The following MARS1 variants were observed in gnomAD, a reference collection of about 807,000 sequenced individuals.
MARS1 encodes methionyl-tRNA synthetase 1, also known as methionine--tRNA ligase, cytoplasmic.
Under a neutral mutation model 119.5 loss-of-function variants are expected in MARS1, and 80 were observed. That is an observed-to-expected ratio of 0.67 (90% CI 0.56 to 0.81). The LOEUF (loss-of-function observed/expected upper bound fraction) is 0.81, where lower values mean the gene tolerates loss of function less well. Ranked by LOEUF, MARS1 falls within the 30% of genes least tolerant of loss-of-function variation. The pLI is 0.00. For missense variants in MARS1, 945 were observed against 1,116.5 expected, an observed-to-expected ratio of 0.85 and a Z score of 2.19; for synonymous variants, 418 against 433.4, an observed-to-expected ratio of 0.96 and a Z score of 0.44.
In MARS1 at chr12:57,493,449, A is replaced by ATAATATG. The variant is rs1187189961; in HGVS notation, c.770+2811_770+2812insGTAATAT. On this transcript the variant is annotated intron_variant, in intron 7 of 20. Coordinates refer to ENST00000262027, the MANE Select transcript of MARS1 (RefSeq NM_004990.4). Reference sequence around the variant, plus strand: ...ATATGTATAATATATTACATAATATATAATATATTATAATATATAATATAT... The same window carrying ATAATATG: ...ATATGTATAATATATTACATAATATATAATATGTAATATATTATAATATATAATATAT... Among the ~76,000 whole-genome samples the ATAATATG allele has an allele frequency of 4.0e-3, 6 of 1,482 alleles. 3 individuals carry two copies. In the Non-Finnish European group the frequency reaches 0.047, roughly 11 times the overall value. 1.0% of individuals were successfully genotyped at this position (1,482 alleles called of 152,430 possible). A position where few individuals can be genotyped will look rare whatever the true frequency, so the allele number is the denominator to read the frequency against.
intron 11 of MARS1, among the ~76,000 whole-genome samples, chr12:57,506,901 G>A (rs1194013187): frequency 6.6e-6 from 1 of 150,448 alleles, no homozygotes; most frequent in Non-Finnish European, 1.5e-5. Context: ...TCTCGCAGAG[G>A]GGGATTTGGC....
chr12:57,505,209 T>G (rs979288414), intron 11 of MARS1, among the ~76,000 whole-genome samples: 5 of 151,026 alleles, frequency 3.3e-5, no homozygotes, highest in Non-Finnish European at 7.4e-5. Flanking sequence ...TTGCCCACAC[T>G]GGAGTGCAAT....
At chr12:57,488,765 C>T in intron 1 of MARS1, 1 of 1,082,870 alleles carries the variant, frequency 9.2e-7, no homozygotes, top group East Asian at 2.6e-5. Flanking sequence ...GGCTGCAGCA[C>T]TATCCCAATA....
Position 57,489,255 on chromosome 12 carries a change from C to G in MARS1, c.201-12C>G, listed in dbSNP as rs776736371. ...CTCTAAGTCCATCATCTGTTGCTCT[C>G]TCTCTGGGCAGATATTTTTTTTTGT... is the stretch of plus-strand genomic sequence containing the variant. On this transcript the variant is annotated splice_polypyrimidine_tract_variant and intron_variant, in intron 2 of 20. Coordinates refer to ENST00000262027, the MANE Select transcript of MARS1 (RefSeq NM_004990.4). 1.2e-6 allele frequency: 2 copies of G among 1,613,594 alleles called. No homozygotes were observed. The highest frequency in any genetic ancestry group is 4.5e-5 in the East Asian group (2 of 44,886).
At chr12:57,492,603 G>A (rs999955608) in intron 7 of MARS1, among the ~76,000 whole-genome samples, 1 of 151,764 alleles carries the variant, frequency 6.6e-6, no homozygotes, top group East Asian at 1.9e-4. Context: ...CCCGGGAGGC[G>A]GAGTTTGCAG....
chr12:57,503,678 A>T (rs756945390), intron 10 of MARS1, among the ~76,000 whole-genome samples: 5 of 151,834 alleles, frequency 3.3e-5, no homozygotes, highest in Admixed American at 6.6e-5. Flanking sequence ...AGTAGCTGGG[A>T]CTACAGGTGC....
In MARS1 at chr12:57,488,995, A is replaced by T. The variant is rs180796158; in HGVS notation, c.110-24A>T. 103 of 1,516,062 alleles carry T rather than the reference A, an allele frequency of 6.8e-5. No homozygotes were observed. The African/African-American group carries it at 1.2e-3, about 17-fold the overall frequency. 93.9% of individuals were successfully genotyped at this position (1,516,062 alleles called of 1,614,324 possible). A position where few individuals can be genotyped will look rare whatever the true frequency, so the allele number is the denominator to read the frequency against. ...CTTTTCTTTTCCTTTTTTTTTTTTA[A>T]CCCATTTTCCATTCTTGCATCAGAT... On this transcript the variant is annotated intron_variant, in intron 1 of 20. Coordinates refer to ENST00000262027, the MANE Select transcript of MARS1 (RefSeq NM_004990.4).
At chr12:57,502,887 G>A (rs1284310153) in intron 10 of MARS1, among the ~76,000 whole-genome samples, 1 of 151,870 alleles carries the variant, frequency 6.6e-6, no homozygotes, top group Non-Finnish European at 1.5e-5. Flanking sequence ...TAAGCCGGGC[G>A]CGGTGGCACG....
chr12:57,508,310 A>G (rs1290790834), intron 11 of MARS1, among the ~76,000 whole-genome samples: 9 of 152,142 alleles, frequency 5.9e-5, no homozygotes, highest in Non-Finnish European at 1.2e-4. Context: ...CAAGGCAGGC[A>G]GCTGGGAGGT....
rs776293715 is a variant in MARS1 at position 57,488,099 on chromosome 12, G to A, written c.9G>A (p.Leu3=). ...GAGGGATTCACGGCGAAATGAGACTGTTCGTGAGTGATGGCGTCCCGGGTT... is the reference window on the plus strand; with the variant it reads ...GAGGGATTCACGGCGAAATGAGACTATTCGTGAGTGATGGCGTCCCGGGTT... MR[L]FVSDGVPGCL... The change falls in exon 1 of 21, where the codon CTG becomes CTA. Residue 3 remains leucine, a synonymous_variant. Coordinates refer to ENST00000262027, the MANE Select transcript of MARS1 (RefSeq NM_004990.4). 2 of 1,614,052 alleles carry A rather than the reference G, an allele frequency of 1.2e-6. No individual in the cohort carries two copies. Among genetic ancestry groups the A allele is most frequent in the Non-Finnish European group, 1.7e-6 (2 of 1,180,002 alleles).
rs35674919 is a variant in MARS1, at chr12:57,490,780, CTTTTTTTTTTT to C, written c.770+149_770+159del. ...TCCTCTCCTTTTAATTCTTACATCT[CTTTTTTTTTTT>C]TTTTTTTTTTTTACATTTTCTCTTA... On this transcript the variant is annotated intron_variant, in intron 7 of 20. Coordinates refer to ENST00000262027, the MANE Select transcript of MARS1 (RefSeq NM_004990.4). 8 of 255,598 alleles carry C rather than the reference CTTTTTTTTTTT, an allele frequency of 3.1e-5. 1 individual carries two copies. The highest frequency in any genetic ancestry group is 6.4e-5 in the Admixed American group (1 of 15,708). 15.8% of individuals were successfully genotyped at this position (255,598 alleles called of 1,614,324 possible).
intron 11 of MARS1, among the ~76,000 whole-genome samples, chr12:57,507,610 T>G (rs1269634168): frequency 1.1e-4 from 9 of 84,342 alleles, no homozygotes; most frequent in South Asian, 4.7e-4. Flanking sequence ...CGGGCGGGGG[T>G]CTGGCCCCCC....
At chr12:57,510,789 T>G (rs955913480) in intron 11 of MARS1, among the ~76,000 whole-genome samples, 3 of 151,864 alleles carry the variant, frequency 2.0e-5, no homozygotes, top group African/African-American at 7.3e-5. Context: ...AAAAATTGGT[T>G]GGGCACGGTG....
rs1202869298 is a variant in MARS1, at chr12:57,514,846, G to A, written c.2094G>A (p.Lys698=). ...ELQHYHQLLE[K]VRIRDALRSI... is the part of the protein sequence containing the mutation. ...AGCACTATCACCAGCTACTTGAGAA[G>A]GTTCGGTAAGTAACTGACACCTCTG... is the stretch of plus-strand genomic sequence containing the variant. The change falls in exon 16 of 21, where the codon AAG becomes AAA. Residue 698 remains lysine (K), a synonymous_variant. Coordinates refer to ENST00000262027, the MANE Select transcript of MARS1 (RefSeq NM_004990.4). 6.2e-6 allele frequency: 10 copies of A among 1,613,774 alleles called. No homozygotes were observed. In the South Asian group the frequency reaches 1.1e-4, roughly 18 times the overall value.
chr12:57,491,807 G>A (rs549147378), intron 7 of MARS1, among the ~76,000 whole-genome samples: 8 of 152,202 alleles, frequency 5.3e-5, no homozygotes, highest in Admixed American at 3.3e-4. Context: ...TTACAGTTCT[G>A]AGTATGTTTG....
At chr12:57,493,796 T>A (rs1434035235) in intron 7 of MARS1, among the ~76,000 whole-genome samples, 1 of 1,296 alleles carries the variant, frequency 7.7e-4, no homozygotes, top group African/African-American at 1.9e-3. Context: ...ATATTATATA[T>A]TATATTATAT....
At chr12:57,512,416 G>A (rs2140034576) in intron 14 of MARS1, 63 bp downstream of exon 14, 3 of 1,167,812 alleles carry the variant, frequency 2.6e-6, no homozygotes, top group South Asian at 1.3e-5. Context: ...GGCAGTACTT[G>A]GAAAAAGATC....
chr12:57,506,878 A>T (rs931004093), intron 11 of MARS1, among the ~76,000 whole-genome samples: 2 of 132,240 alleles, frequency 1.5e-5, no homozygotes, highest in Admixed American at 8.0e-5. Context: ...TTAATTGACC[A>T]TTCTTGGGTG....
At chr12:57,493,383 A>ATT (rs1876119523) in intron 7 of MARS1, among the ~76,000 whole-genome samples, 2 of 42,086 alleles carry the variant, frequency 4.8e-5, no homozygotes, top group African/African-American at 2.4e-4. Context: ...TATATTATAT[A>ATT]ATATATTATA....
Sources: allele counts gnomAD v4.1 joint callset (sites outside exome capture counted in the v4.1 genomes callset), GRCh38; gene constraint gnomAD v4.1.1; transcripts MANE v1.5; gene names NCBI Gene and HGNC (gene_info 2026-07-23, HGNC 2026-07-21).